The following FBN2 variants were observed in gnomAD, a reference collection of about 807,000 sequenced individuals.
FBN2 encodes fibrillin 2, also known as fibrillin-2.
FBN2 carries 105 observed loss-of-function variants against 355.6 expected under a neutral mutation model. The ratio of observed to expected loss-of-function variants is 0.30; its 90% CI spans 0.25 to 0.35. The LOEUF is 0.35. FBN2 is among the 10% of genes least tolerant of loss of function. The probability of loss-of-function intolerance (pLI) is 1.00; values close to 1 mark genes in which losing one functional copy is unlikely to be tolerated. For synonymous variants in FBN2, 1,350 were observed against 1,301.2 expected, an observed-to-expected ratio of 1.04 and a Z score of -0.81; for missense variants, 3,280 against 3,758.7, an observed-to-expected ratio of 0.87 and a Z score of 3.33.
chr5:128,308,914 T>C (rs1243939598), intron 41 of FBN2, among the ~76,000 whole-genome samples: 1 of 152,214 alleles, frequency 6.6e-6, no homozygotes, highest in Non-Finnish European at 1.5e-5. Context: ...TGACATACAG[T>C]AGTTACTCAA....
intron 5 of FBN2, among the ~76,000 whole-genome samples, chr5:128,502,652 A>G (rs532460568): frequency 6.6e-6 from 1 of 152,312 alleles, no homozygotes; most frequent in African/African-American, 2.4e-5. Context: ...GATAAAAGAG[A>G]TTGTATAATG....
Position 128,334,720 on chromosome 5 carries a change from T to G in FBN2, c.4098A>C (p.Thr1366=), listed in dbSNP as rs28763943. The part of the protein sequence containing the change: ...YSVKKGTTGC[T]DVDECEIGAH... ...AGAGAACACAAGCTTGAAACCTACCTGTACATCCTGTGGTCCCCTTCTTCA... is the reference window on the plus strand; with the variant it reads ...AGAGAACACAAGCTTGAAACCTACCGGTACATCCTGTGGTCCCCTTCTTCA... Residue 1366 remains threonine (T), a splice_region_variant and synonymous_variant, in exon 31 of 65, where the codon ACA becomes ACC. Coordinates refer to ENST00000262464, the MANE Select transcript of FBN2 (RefSeq NM_001999.4). The G allele has an allele frequency of 4.0e-3, 6,413 of 1,614,122 alleles. 247 individuals carry two copies. In the African/African-American group the frequency reaches 0.077, roughly 19 times the overall value.
intron 32 of FBN2, among the ~76,000 whole-genome samples, chr5:128,331,364 C>T (rs565533388): frequency 1.8e-4 from 28 of 152,056 alleles, no homozygotes; most frequent in African/African-American, 6.3e-4. Context: ...TGCAGAGGGA[C>T]GAGTGCATGG....
chr5:128,399,810 C>T (rs1022259082), intron 8 of FBN2, among the ~76,000 whole-genome samples: 2 of 151,876 alleles, frequency 1.3e-5, no homozygotes, highest in Non-Finnish European at 2.9e-5. Context: ...AAATAAAGTA[C>T]ATAACTTCTT....
chr5:128,372,075 C>T (rs1189762761), intron 15 of FBN2, among the ~76,000 whole-genome samples: 1 of 152,102 alleles, frequency 6.6e-6, no homozygotes, highest in Non-Finnish European at 1.5e-5. Context: ...TGCGCATTTG[C>T]TATGTGCTAG....
intron 34 of FBN2, 69 bp downstream of exon 34, chr5:128,328,627 G>A (rs1750615923): frequency 3.2e-6 from 5 of 1,551,912 alleles, no homozygotes; most frequent in Non-Finnish European, 4.4e-6. Flanking sequence ...GCTTGTTCCA[G>A]CCCTTGTTGT....
chr5:128,385,244 T>G (rs1299497340), intron 11 of FBN2, among the ~76,000 whole-genome samples: 2 of 152,130 alleles, frequency 1.3e-5, no homozygotes, highest in African/African-American at 4.8e-5. Flanking sequence ...CTAGTGTCTC[T>G]TGTTCCCTTG....
chr5:128,467,004 CAT>C (rs1184200426), intron 5 of FBN2, among the ~76,000 whole-genome samples: 1 of 152,088 alleles, frequency 6.6e-6, no homozygotes, highest in East Asian at 1.9e-4. Flanking sequence ...TATAAAAACA[CAT>C]ATTGTTTTTA....
At chr5:128,344,552 A>C (rs780991943) in intron 24 of FBN2, 42 bp from the exon 25 acceptor site, 7 of 1,603,626 alleles carry the variant, frequency 4.4e-6, no homozygotes, top group African/African-American at 2.7e-5. Context: ...CGGTTGATAT[A>C]AACGATTAGG....
chr5:128,329,751 G>A (rs189588385), intron 33 of FBN2, among the ~76,000 whole-genome samples: 90 of 152,236 alleles, frequency 5.9e-4, no homozygotes, highest in Admixed American at 2.5e-3. Flanking sequence ...CTGCATTTTT[G>A]ATGTCCACAA....
At chr5:128,352,304 A>G (rs1021090430) in intron 20 of FBN2, among the ~76,000 whole-genome samples, 1 of 152,226 alleles carries the variant, frequency 6.6e-6, no homozygotes, top group Non-Finnish European at 1.5e-5. Flanking sequence ...AGTATGAGGA[A>G]GATGTAAAAA....
chr5:128,494,094 C>G (rs1341153947), intron 5 of FBN2, among the ~76,000 whole-genome samples: 1 of 152,086 alleles, frequency 6.6e-6, no homozygotes, highest in Non-Finnish European at 1.5e-5. Flanking sequence ...AGAGGAGAGG[C>G]AAGCCAAGAA....
intron 6 of FBN2, among the ~76,000 whole-genome samples, chr5:128,448,420 C>T (rs1287030514): frequency 6.6e-6 from 1 of 152,006 alleles, no homozygotes; most frequent in African/African-American, 2.4e-5. Context: ...GATTCTCCTG[C>T]CTCAGCCTTC....
At chr5:128,396,852 T>C (rs931628528) in intron 8 of FBN2, among the ~76,000 whole-genome samples, 1 of 152,210 alleles carries the variant, frequency 6.6e-6, no homozygotes, top group African/African-American at 2.4e-5. Flanking sequence ...GCAATCAGGA[T>C]CTGCATATCA....
At chr5:128,420,542 A>C (rs1753319353) in intron 7 of FBN2, among the ~76,000 whole-genome samples, 1 of 152,206 alleles carries the variant, frequency 6.6e-6, no homozygotes, top group African/African-American at 2.4e-5. Flanking sequence ...GCTATAGTAT[A>C]TACATTGATC....
intron 15 of FBN2, among the ~76,000 whole-genome samples, chr5:128,371,566 T>C (rs1368555996): frequency 1.3e-5 from 2 of 148,248 alleles, no homozygotes; most frequent in Non-Finnish European, 3.0e-5. Context: ...TCTCGCTCTG[T>C]CGCCCAGGCT....
intron 8 of FBN2, among the ~76,000 whole-genome samples, chr5:128,407,078 A>G (rs765181638): frequency 3.7e-4 from 57 of 152,230 alleles, no homozygotes; most frequent in Non-Finnish European, 8.4e-4. Flanking sequence ...GGCTGTTAGC[A>G]TGACAGTGAA....
chr5:128,260,932 A>G (rs970503298), intron 64 of FBN2, among the ~76,000 whole-genome samples: 1 of 152,222 alleles, frequency 6.6e-6, no homozygotes, highest in African/African-American at 2.4e-5. Context: ...AAAATCATCA[A>G]GATCTCTAGA....
At chr5:128,483,762 T>C (rs1024527727) in intron 5 of FBN2, among the ~76,000 whole-genome samples, 1 of 152,188 alleles carries the variant, frequency 6.6e-6, no homozygotes, top group Non-Finnish European at 1.5e-5. Context: ...GGAATTTTCA[T>C]ATTTCATATA....
Sources: gnomAD v4.1 joint callset for allele counts (sites outside exome capture counted in the v4.1 genomes callset) on GRCh38, gnomAD v4.1.1 for gene constraint, MANE v1.5 for transcripts, NCBI Gene and HGNC (gene_info 2026-07-23, HGNC 2026-07-21) for gene names.